The following CRYBG1 variants were observed in gnomAD, a reference collection of about 807,000 sequenced individuals.
CRYBG1 encodes beta/gamma crystallin domain-containing protein 1.
Under a neutral mutation model 189.2 loss-of-function variants are expected in CRYBG1, and 139 were observed. The observed-to-expected ratio is 0.73, with a 90% CI of 0.64 to 0.85. The LOEUF (loss-of-function observed/expected upper bound fraction) is 0.85, where lower values mean the gene tolerates loss of function less well. Among genes scored for constraint, CRYBG1 ranks in the 40% least tolerant of loss-of-function variants. The pLI, the probability that CRYBG1 is intolerant of heterozygous loss-of-function variation, is 0.00. For missense variants in CRYBG1, 2,611 were observed against 2,675.8 expected (o/e 0.98, Z 0.53); for synonymous variants, 1,023 against 1,017.1 (o/e 1.01, Z -0.11).
intron 2 of CRYBG1, among the ~76,000 whole-genome samples, chr6:106,507,500 C>G (rs948909692): frequency 6.6e-6 from 1 of 152,224 alleles, no homozygotes; most frequent in African/African-American, 2.4e-5. Flanking sequence ...TCTGAGGAAG[C>G]ATGAAGAAAC....
intron 1 of CRYBG1, among the ~76,000 whole-genome samples, chr6:106,391,974 T>C (rs867309747): frequency 2.3e-5 from 3 of 133,322 alleles, no homozygotes; most frequent in Admixed American, 1.5e-4. Context: ...TGTGTGTGCG[T>C]GCGCGTTTCC....
At chr6:106,564,323 C>T (rs1774810837) in intron 21 of CRYBG1, among the ~76,000 whole-genome samples, 1 of 152,214 alleles carries the variant, frequency 6.6e-6, no homozygotes, top group Non-Finnish European at 1.5e-5. Flanking sequence ...AAATCACAAG[C>T]TGAAAGGCCG....
At position 106,551,881 on chromosome 6, in the gene CRYBG1, C is replaced by T. The variant is rs754396691; in HGVS notation, c.5342C>T (p.Thr1781Ile). The change falls in exon 14 of 22, where the codon ACA (threonine) becomes ATA (isoleucine). Residue 1781 changes from threonine (T) to isoleucine (I), a missense_variant. Transcript: ENST00000633556. ...VWVAYENPDF[T>I]GEQYILDKGF... The stretch of plus-strand genomic sequence containing the variant: ...GTAGCCTATGAAAATCCTGACTTCA[C>T]AGGAGAACAGTATATACTGGATAAA... 7 of 1,612,080 alleles carry T rather than the reference C, an allele frequency of 4.3e-6. No homozygotes were observed. Among genetic ancestry groups the T allele is most frequent in the Non-Finnish European group, 5.1e-6 (6 of 1,178,774 alleles).
chr6:106,548,336 G>C (rs1161576473), intron 13 of CRYBG1, among the ~76,000 whole-genome samples: 2 of 152,148 alleles, frequency 1.3e-5, no homozygotes, highest in Admixed American at 6.5e-5. Context: ...ATCTTGGAGG[G>C]AAAACAACAC....
intron 21 of CRYBG1, among the ~76,000 whole-genome samples, chr6:106,567,799 T>G (rs1199986150): frequency 6.6e-6 from 1 of 152,216 alleles, no homozygotes; most frequent in Non-Finnish European, 1.5e-5. Flanking sequence ...TGGAAAATCT[T>G]ACAAACATTC....
chr6:106,564,640 C>T (rs1388071694), intron 21 of CRYBG1, among the ~76,000 whole-genome samples: 1 of 152,162 alleles, frequency 6.6e-6, no homozygotes, highest in African/African-American at 2.4e-5. Flanking sequence ...CTAACAAGTT[C>T]CCAGGTGTTG....
chr6:106,432,652 C>CA (rs1223314127), intron 1 of CRYBG1, among the ~76,000 whole-genome samples: 4 of 151,932 alleles, frequency 2.6e-5, no homozygotes, highest in African/African-American at 4.8e-5. Flanking sequence ...TAAACAGGTG[C>CA]AAAAAAATGG....
Position 106,521,334 on chromosome 6 carries a change from G to A in CRYBG1, c.4126G>A (p.Val1376Ile), listed in dbSNP as rs1773607324. Residue 1376 changes from valine (V) to isoleucine (I), a missense_variant, in exon 4 of 22, where the codon GTT becomes ATT. By Grantham distance (29) the Val-to-Ile change is conservative. Around this residue, in one of 3 missense-constraint regions of CRYBG1, gnomAD observed 1,622 missense variants for 1,735.0 expected, o/e 0.93. Coordinates refer to ENST00000633556, the MANE Select transcript of CRYBG1 (RefSeq NM_001371242.2). ...DMEKANHIES[V>I]IKSNLPNCAN... ...GGAAAAGGCTAATCATATTGAAAGT[G>A]TTATTAAATCAAACTTGCCAAACTG... 5.6e-6 allele frequency: 9 copies of A among 1,614,142 alleles called. No individual in the cohort carries two copies. Among genetic ancestry groups the A allele is most frequent in the Non-Finnish European group, 7.6e-6 (9 of 1,180,036 alleles).
intron 3 of CRYBG1, among the ~76,000 whole-genome samples, chr6:106,515,640 T>C (rs1773399912): frequency 6.6e-6 from 1 of 152,162 alleles, no homozygotes; most frequent in Non-Finnish European, 1.5e-5. Context: ...GAGGAAATGC[T>C]TATAAATTAA....
At position 106,394,383 on chromosome 6, in the gene CRYBG1, C is replaced by A. The variant is rs141497345; in HGVS notation, c.173+33302C>A. Among the ~76,000 whole-genome samples the A allele has an allele frequency of 2.5e-3, 385 of 152,284 alleles. 1 individual carries two copies. The highest frequency in any genetic ancestry group is 0.01 in the Middle Eastern group (3 of 294). On this transcript the variant is annotated intron_variant, in intron 1 of 21. Coordinates refer to ENST00000633556, the MANE Select transcript of CRYBG1 (RefSeq NM_001371242.2). ...GTCTAATTAATGTCTGTATTTTCTG[C>A]GTCATGTTCATTTCCGTTTATCACA...
At chr6:106,528,909 C>T (rs1301096282) in intron 7 of CRYBG1, among the ~76,000 whole-genome samples, 1 of 151,520 alleles carries the variant, frequency 6.6e-6, no homozygotes, top group African/African-American at 2.4e-5. Context: ...ATAAGTAATG[C>T]CACGAGAATG....
At chr6:106,396,306 A>G (rs1770606416) in intron 1 of CRYBG1, among the ~76,000 whole-genome samples, 1 of 152,154 alleles carries the variant, frequency 6.6e-6, no homozygotes. Flanking sequence ...TTCCAAATAG[A>G]ATTTTGACTA....
chr6:106,443,093 A>T (rs1460880549), intron 1 of CRYBG1, among the ~76,000 whole-genome samples: 1 of 152,210 alleles, frequency 6.6e-6, no homozygotes, highest in Non-Finnish European at 1.5e-5. Flanking sequence ...GACATAATGA[A>T]GTTTAGAAGT....
chr6:106,523,586 G>A (rs1211785160), intron 4 of CRYBG1, among the ~76,000 whole-genome samples: 1 of 151,982 alleles, frequency 6.6e-6, no homozygotes, highest in Admixed American at 6.6e-5. Context: ...TTTATTGATT[G>A]TATATTCAAT....
At chr6:106,376,637 C>T (rs552533035) in intron 1 of CRYBG1, among the ~76,000 whole-genome samples, 9 of 152,260 alleles carry the variant, frequency 5.9e-5, no homozygotes. Context: ...TGCCTTTATG[C>T]TTAGGGGGTA....
chr6:106,431,818 TGGCTCCCTGGGAATTCTATCAAGGCTA>T (rs1771331100), intron 1 of CRYBG1, among the ~76,000 whole-genome samples: 1 of 152,136 alleles, frequency 6.6e-6, no homozygotes, highest in African/African-American at 2.4e-5. Context: ...GAGGGCCAGC[TGGCTCCCTGGGAATTCTATCAAGGCTA>T]ACATCTCATA....
At chr6:106,488,365 G>T (rs1772638564) in intron 2 of CRYBG1, among the ~76,000 whole-genome samples, 1 of 152,072 alleles carries the variant, frequency 6.6e-6, no homozygotes. Flanking sequence ...GACATAAATG[G>T]CCTGGTTGCT....
Position 106,517,483 on chromosome 6 carries a change from T to TAC in CRYBG1, c.1923-1634_1923-1633dup, listed in dbSNP as rs200726087. 3.8e-3 allele frequency among the ~76,000 whole-genome samples: 549 copies of TAC among 145,114 alleles called. 3 individuals are homozygous for TAC. The highest frequency in any genetic ancestry group is 0.014 in the Middle Eastern group (4 of 292). On this transcript the variant is annotated intron_variant, in intron 3 of 21. Transcript: ENST00000633556. ...ATATATACACACACACATATATATA[T>TAC]ACACACACACACACATATATATATA...
chr6:106,400,433 C>T (rs1770701761), intron 1 of CRYBG1, among the ~76,000 whole-genome samples: 2 of 152,018 alleles, frequency 1.3e-5, no homozygotes, highest in African/African-American at 2.4e-5. Context: ...TTTTCTTTTA[C>T]TTTATTGGAT....
Sources: gnomAD v4.1 joint callset for allele counts (sites outside exome capture counted in the v4.1 genomes callset) on GRCh38, gnomAD v4.1.1 for gene constraint, gnomAD v4.1.1 regional missense constraint, MANE v1.5 for transcripts, NCBI Gene and HGNC (gene_info 2026-07-23, HGNC 2026-07-21) for gene names.